NRG1: variants seen among roughly 807,000 people sequenced by gnomAD.
The protein encoded by NRG1 is neuregulin 1, also known as pro-neuregulin-1, membrane-bound isoform.
Under a neutral mutation model 63.8 loss-of-function variants are expected in NRG1, and 18 were observed. The observed-to-expected ratio is 0.28, with a 90% CI of 0.19 to 0.42. The LOEUF (loss-of-function observed/expected upper bound fraction) is 0.42, where lower values mean the gene tolerates loss of function less well. Among genes scored for constraint, NRG1 ranks in the 10% least tolerant of loss-of-function variants. NRG1 has a pLI of 1.00. For missense variants in NRG1, 762 were observed against 814.7 expected (o/e 0.94, Z 0.79); for synonymous variants, 302 against 301.3 (o/e 1.00, Z -0.02).
At chr8:31,747,201 G>A (rs1292431468) in intron 1 of NRG1, among the ~76,000 whole-genome samples, 3 of 151,946 alleles carry the variant, frequency 2.0e-5, no homozygotes, top group Non-Finnish European at 4.4e-5. Flanking sequence ...CAGGATAAAT[G>A]CTTGAGGGGA....
At chr8:31,869,477 C>T (rs1465270150) in intron 1 of NRG1, among the ~76,000 whole-genome samples, 2 of 152,172 alleles carry the variant, frequency 1.3e-5, no homozygotes, top group Non-Finnish European at 2.9e-5. Context: ...CAGACATTGC[C>T]ACATCATTCT....
intron 1 of NRG1, among the ~76,000 whole-genome samples, chr8:32,083,653 T>C (rs1287702113): frequency 6.6e-6 from 1 of 152,202 alleles, no homozygotes; most frequent in Non-Finnish European, 1.5e-5. Context: ...ATGAGCTATC[T>C]GCATGGTTGG....
chr8:31,764,282 A>G (rs935964043), intron 1 of NRG1, among the ~76,000 whole-genome samples: 1 of 152,106 alleles, frequency 6.6e-6, no homozygotes, highest in African/African-American at 2.4e-5. Context: ...ATCTTGCAAA[A>G]CTATAATACA....
intron 1 of NRG1, among the ~76,000 whole-genome samples, chr8:31,721,957 A>T (rs1401342210): frequency 1.3e-5 from 2 of 152,074 alleles, no homozygotes; most frequent in East Asian, 3.9e-4. Flanking sequence ...GCAAGAGACT[A>T]CCAAATTTTC....
intron 1 of NRG1, among the ~76,000 whole-genome samples, chr8:31,901,648 C>T (rs1189283125): frequency 2.6e-5 from 4 of 152,108 alleles, no homozygotes; most frequent in Non-Finnish European, 4.4e-5. Context: ...AACTGCACAA[C>T]GAATGAACGT....
chr8:31,754,177 G>T (rs1468205379), intron 1 of NRG1, among the ~76,000 whole-genome samples: 1 of 151,970 alleles, frequency 6.6e-6, no homozygotes, highest in East Asian at 1.9e-4. Context: ...AAATCTTGTG[G>T]GATTCCCATG....
chr8:32,593,492 A>G lies in NRG1; in HGVS notation c.101-2336A>G, dbSNP rs181455616. 3.0e-3 allele frequency among the ~76,000 whole-genome samples: 425 copies of G among 140,074 alleles called. 1 individual carries two copies. Among genetic ancestry groups the G allele is most frequent in the Non-Finnish European group, 5.2e-3 (327 of 62,472 alleles). The allele number at this position is 140,074 out of a possible 152,430, so 91.9% of individuals were successfully genotyped here. On this transcript the variant is annotated intron_variant, in intron 1 of 11. Coordinates refer to ENST00000356819, the Ensembl canonical transcript of NRG1. ...AACATGGCGAAACTCTGTCTCTATGAAAAATACAACAGTTAGCCAGGGGTG... is the reference window on the plus strand; with the variant it reads ...AACATGGCGAAACTCTGTCTCTATGGAAAATACAACAGTTAGCCAGGGGTG...
intron 1 of NRG1, among the ~76,000 whole-genome samples, chr8:32,216,096 A>G (rs965507519): frequency 2.0e-5 from 3 of 151,584 alleles, no homozygotes; most frequent in African/African-American, 7.3e-5. Flanking sequence ...ACATAAATCT[A>G]TACATTATCT....
intron 1 of NRG1, among the ~76,000 whole-genome samples, chr8:32,020,085 G>T (rs1816195878): frequency 6.6e-6 from 1 of 152,114 alleles, no homozygotes; most frequent in Non-Finnish European, 1.5e-5. Context: ...CCGTGGATGA[G>T]TTTAAGTTTG....
At chr8:31,857,721 T>A (rs568910674) in intron 1 of NRG1, among the ~76,000 whole-genome samples, 1 of 152,364 alleles carries the variant, frequency 6.6e-6, no homozygotes, top group African/African-American at 2.4e-5. Context: ...GACTTACTAC[T>A]TGCTGTTTAT....
chr8:32,235,423 A>G lies in NRG1; in HGVS notation c.38-360405A>G, dbSNP rs533135562. Among the ~76,000 whole-genome samples the G allele has an allele frequency of 1.3e-4, 20 of 152,158 alleles. 1 individual carries two copies. The South Asian group carries it at 4.2e-3, about 32-fold the overall frequency. On this transcript the variant is annotated intron_variant, in intron 1 of 10. Transcript: ENST00000519301. The stretch of plus-strand genomic sequence containing the variant: ...AATGAAAAACAGCTGTATGGTTTGG[A>G]GAGCCAGTGGCTGACAAACTGAAGG...
At chr8:31,672,067 T>A (rs1807210271) in intron 1 of NRG1, among the ~76,000 whole-genome samples, 1 of 152,158 alleles carries the variant, frequency 6.6e-6, no homozygotes, top group African/African-American at 2.4e-5. Context: ...TTGGATTTGC[T>A]CATCTTAAAG....
intron 1 of NRG1, among the ~76,000 whole-genome samples, chr8:32,575,459 A>G (rs1017610611): frequency 8.5e-5 from 13 of 152,206 alleles, no homozygotes; most frequent in African/African-American, 2.9e-4. Flanking sequence ...GTGGTAGTAA[A>G]ATTAACTAAA....
chr8:32,476,160 G>T (rs1252401689), intron 1 of NRG1, among the ~76,000 whole-genome samples: 3 of 152,044 alleles, frequency 2.0e-5, no homozygotes, highest in African/African-American at 7.2e-5. Flanking sequence ...GGGGAAAAAA[G>T]GAAAATTGGA....
chr8:31,837,531 T>G (rs1232697163), intron 1 of NRG1, among the ~76,000 whole-genome samples: 1 of 151,974 alleles, frequency 6.6e-6, no homozygotes, highest in Admixed American at 6.6e-5. Context: ...AATTCTCTCT[T>G]CTGGCTGCTT....
At chr8:32,144,037 C>T (rs1345561015) in intron 1 of NRG1, among the ~76,000 whole-genome samples, 1 of 152,162 alleles carries the variant, frequency 6.6e-6, no homozygotes, top group African/African-American at 2.4e-5. Flanking sequence ...ATGGGAAAAG[C>T]AGTTAGAATG....
intron 1 of NRG1, among the ~76,000 whole-genome samples, chr8:31,949,851 C>T (rs2129622868): frequency 6.6e-6 from 1 of 152,248 alleles, no homozygotes; most frequent in South Asian, 2.1e-4. Context: ...TCTTGTTTTC[C>T]ATCTGCAAAT....
chr8:32,187,365 T>C lies in NRG1; in HGVS notation c.38-408463T>C, dbSNP rs543452456. ...TAAATGTTACCGGGGACCTGAGGAA[T>C]AGGAGAGCCCTTTCCTTATGACACT... On this transcript the variant is annotated intron_variant, in intron 1 of 10. Coordinates refer to the NRG1 transcript ENST00000519301. Among the ~76,000 whole-genome samples the C allele has an allele frequency of 9.2e-5, 14 of 152,282 alleles. No individual in the cohort carries two copies. The East Asian group carries it at 2.7e-3, about 29-fold the overall frequency.
chr8:32,338,323 G>C (rs1803601105), intron 1 of NRG1, among the ~76,000 whole-genome samples: 1 of 152,124 alleles, frequency 6.6e-6, no homozygotes, highest in African/African-American at 2.4e-5. Flanking sequence ...GTCTTTGTTG[G>C]AGCCTGTTGC....
Sources: allele counts gnomAD v4.1 joint callset (sites outside exome capture counted in the v4.1 genomes callset), GRCh38; gene constraint gnomAD v4.1.1; transcripts MANE v1.5; gene names NCBI Gene and HGNC (gene_info 2026-07-23, HGNC 2026-07-21).